FCSK: variants seen among roughly 807,000 people sequenced by gnomAD.
The protein encoded by FCSK is L-fucose kinase.
FCSK carries 123 observed loss-of-function variants against 122.5 expected under a neutral mutation model. That is an observed-to-expected ratio of 1.00 (90% confidence interval 0.87 to 1.17). The LOEUF is 1.17. FCSK is among the 50% of genes most tolerant of loss of function. The pLI is 0.00. For missense variants in FCSK, 1,366 were observed against 1,450.4 expected, an observed-to-expected ratio of 0.94 and a Z score of 0.95; for synonymous variants, 620 against 625.5, an observed-to-expected ratio of 0.99 and a Z score of 0.13.
intron 6 of FCSK, 103 bp downstream of exon 6, chr16:70,467,057 C>G: frequency 1.8e-6 from 2 of 1,084,814 alleles, no homozygotes; most frequent in South Asian, 1.3e-5. Flanking sequence ...GCCCCGCTGC[C>G]CTATTAGACG....
chr16:70,465,121 T>C lies in FCSK; in HGVS notation c.235-5T>C. ...TCTGTTCACAGGGCTTTCCCACTCCTGCAGGTGGTCACATCCGATGTCCTG... is the reference window on the plus strand; with the variant it reads ...TCTGTTCACAGGGCTTTCCCACTCCCGCAGGTGGTCACATCCGATGTCCTG... On this transcript the variant is annotated splice_polypyrimidine_tract_variant and splice_region_variant and intron_variant, in intron 3 of 23. Coordinates refer to ENST00000288078, the MANE Select transcript of FCSK (RefSeq NM_145059.3). 1 of 1,613,770 alleles carries C rather than the reference T, an allele frequency of 6.2e-7. No individual in the cohort carries two copies. Among genetic ancestry groups the C allele is most frequent in the Middle Eastern group, 1.6e-4 (1 of 6,062 alleles).
chr16:70,454,667 G>A (rs1462365786), intron 1 of FCSK, 37 bp downstream of exon 1: 3 of 140,758 alleles, frequency 2.1e-5, no homozygotes, highest in Non-Finnish European at 4.6e-5. Flanking sequence ...AGCGCCCCTT[G>A]CGCCCCTTGC....
At chr16:70,462,276 G>C (rs185012347) in intron 1 of FCSK, 1 of 151,100 alleles carries the variant, frequency 6.6e-6, no homozygotes, top group Non-Finnish European at 1.5e-5. Context: ...GTCTTCCAAA[G>C]TGCTGGGATT....
At chr16:70,468,810 A>G (rs747910640) in intron 8 of FCSK, 39 bp from the exon 9 acceptor site, 2 of 1,612,758 alleles carry the variant, frequency 1.2e-6, no homozygotes, top group Non-Finnish European at 1.7e-6. Flanking sequence ...GGCCTGGTCC[A>G]GGGCCCTCCA....
chr16:70,466,407 T>C, intron 5 of FCSK, 150 bp downstream of exon 5: 2 of 989,170 alleles, frequency 2.0e-6, no homozygotes, highest in East Asian at 5.4e-5. Flanking sequence ...AAGAAGTTAG[T>C]TGTGTCTGGG....
chr16:70,475,909 C>A (rs2048797485), intron 20 of FCSK, 142 bp downstream of exon 20: 1 of 865,384 alleles, frequency 1.2e-6, no homozygotes, highest in Non-Finnish European at 1.6e-6. Context: ...TCCTTCTAGT[C>A]ACTTTGACCT....
intron 1 of FCSK, 111 bp downstream of exon 1, chr16:70,454,741 C>T (rs1392658884): frequency 1.3e-5 from 2 of 152,108 alleles, no homozygotes; most frequent in Non-Finnish European, 2.9e-5. Context: ...AGTCGACCCG[C>T]GGGCCGCCCG....
In FCSK at chr16:70,467,969, A is replaced by G. The variant is rs921332445; in HGVS notation, c.663+3A>G. 1 of 1,612,994 alleles carries G rather than the reference A, an allele frequency of 6.2e-7. No homozygotes were observed. The highest frequency in any genetic ancestry group is 8.5e-7 in the Non-Finnish European group (1 of 1,179,006). On this transcript the variant is annotated splice_donor_region_variant and intron_variant, in intron 8 of 23. Coordinates refer to ENST00000288078, the MANE Select transcript of FCSK (RefSeq NM_145059.3). ...GGCCTGATGGGCGGGTGCCACTGGTATGGCTGCTGGGCCCAGGTTGCGGGG... is the reference window on the plus strand; with the variant it reads ...GGCCTGATGGGCGGGTGCCACTGGTGTGGCTGCTGGGCCCAGGTTGCGGGG...
chr16:70,455,605 AAAAAG>A (rs1188436804), intron 1 of FCSK, among the ~76,000 whole-genome samples: 1 of 151,688 alleles, frequency 6.6e-6, no homozygotes, highest in African/African-American at 2.4e-5. Context: ...TAAAAAAAAA[AAAAAG>A]GCCGGGCGAG....
chr16:70,478,073 A>C (rs1314838496), intron 20 of FCSK, 199 bp from the exon 21 acceptor site: 4 of 588,922 alleles, frequency 6.8e-6, no homozygotes, highest in Non-Finnish European at 9.0e-6. Flanking sequence ...GGGAATTCCA[A>C]GCTTTGCCCT....
intron 3 of FCSK, 117 bp downstream of exon 3, chr16:70,463,891 T>G (rs2048339487): frequency 8.4e-7 from 1 of 1,183,782 alleles, no homozygotes; most frequent in Non-Finnish European, 1.2e-6. Context: ...TGGTCTCAGT[T>G]TTTGTTTCTG....
Position 70,474,793 on chromosome 16 carries a change from G to C in FCSK, c.2159G>C (p.Gly720Ala), listed in dbSNP as rs765362360. Residue 720 changes from glycine (G) to alanine (A), a missense_variant, in exon 18 of 24, where the codon GGC (glycine) becomes GCC (alanine). Coordinates refer to ENST00000288078, the MANE Select transcript of FCSK (RefSeq NM_145059.3). ...GAGTCTTGCCACACTGCCATAGGGG[G>C]CTGGAGTGACACGCCACCCCTTGCC... ...ECPARVDFSG[G>A]WSDTPPLAYE... 1.9e-6 allele frequency: 3 copies of C among 1,571,748 alleles called. No individual in the cohort carries two copies. The highest frequency in any genetic ancestry group is 2.6e-6 in the Non-Finnish European group (3 of 1,158,560).
intron 1 of FCSK, among the ~76,000 whole-genome samples, chr16:70,455,954 G>C (rs1410288629): frequency 6.6e-6 from 1 of 151,880 alleles, no homozygotes; most frequent in Non-Finnish European, 1.5e-5. Flanking sequence ...AGGCCAAGGC[G>C]GGAGGATTAC....
At position 70,474,629 on chromosome 16, in the gene FCSK, A is replaced by C. The variant is rs775319717; in HGVS notation, c.2090A>C (p.Gln697Pro). 32 of 1,592,014 alleles carry C rather than the reference A, an allele frequency of 2.0e-5. No homozygotes were observed. In the South Asian group the frequency reaches 3.2e-4, roughly 16 times the overall value. Residue 697 changes from glutamine (Q) to proline (P), a missense_variant, in exon 17 of 24, where the codon CAG becomes CCG. Coordinates refer to ENST00000288078, the MANE Select transcript of FCSK (RefSeq NM_145059.3). ...MSAQHFVSTEQVELPGPGQWV... is the reference protein window; with the variant it reads ...MSAQHFVSTEPVELPGPGQWV... The stretch of plus-strand genomic sequence containing the variant: ...GCCCAGCACTTTGTCTCCACAGAGC[A>C]GGTGGAACTGCCGGGACCTGGGCAG...
At chr16:70,463,089 A>G (rs1024829647) in intron 1 of FCSK, 80 bp from the exon 2 acceptor site, 12 of 856,456 alleles carry the variant, frequency 1.4e-5, no homozygotes, top group African/African-American at 1.2e-4. Context: ...TGTTAAAATC[A>G]TAGAATTGTA....
At chr16:70,469,131 T>G (rs1470323969) in intron 9 of FCSK, 21 bp from the exon 10 acceptor site, 1 of 1,613,632 alleles carries the variant, frequency 6.2e-7, no homozygotes, top group African/African-American at 1.3e-5. Flanking sequence ...CCAATAGCTG[T>G]GCTTCTTCCC....
chr16:70,469,293 A>C lies in FCSK; in HGVS notation c.925A>C (p.Arg309=), dbSNP rs751776388. Residue 309 remains arginine (R), a synonymous_variant, in exon 10 of 24, where the codon AGG becomes CGG. Transcript: ENST00000288078. ...YLQSARAQLW[R]ELRDQPLTMA... Reference sequence around the variant, plus strand: ...GCAGAGCGCCCGGGCCCAGCTGTGGAGGGAGCTTCGCGATCAGCCCCTTAC... The same window carrying C: ...GCAGAGCGCCCGGGCCCAGCTGTGGCGGGAGCTTCGCGATCAGCCCCTTAC... 1.1e-5 allele frequency: 18 copies of C among 1,609,532 alleles called. No homozygotes were observed. The highest frequency in any genetic ancestry group is 1.5e-5 in the Non-Finnish European group (18 of 1,178,778).
intron 6 of FCSK, 23 bp from the exon 7 acceptor site, chr16:70,467,351 C>T: frequency 1.3e-6 from 2 of 1,574,298 alleles, no homozygotes; most frequent in Non-Finnish European, 1.7e-6. Flanking sequence ...CCCTGGGAGC[C>T]TCCTGACTGC....
At position 70,468,878 on chromosome 16, in the gene FCSK, G is replaced by A. The variant is rs765870394; in HGVS notation, c.693G>A (p.Glu231=). ...CTGGGGTTGTCTTCTTCTCTGTGGA[G>A]ACTGCCGAGCGCCTCCTAGCCACCC... ...LVSGVVFFSV[E]TAERLLATHV... The change falls in exon 9 of 24, where the codon GAG becomes GAA. Residue 231 remains glutamate, a synonymous_variant. Transcript: ENST00000288078. 9 of 1,613,990 alleles carry A rather than the reference G, an allele frequency of 5.6e-6. No individual in the cohort carries two copies. The East Asian group carries it at 6.7e-5, about 12-fold the overall frequency.
Sources: gnomAD v4.1 joint callset for allele counts (sites outside exome capture counted in the v4.1 genomes callset) on GRCh38, gnomAD v4.1.1 for gene constraint, MANE v1.5 for transcripts, NCBI Gene and HGNC (gene_info 2026-07-23, HGNC 2026-07-21) for gene names.